Variants in COL25A1 observed in about 807,000 individuals in gnomAD.
The protein encoded by COL25A1 is collagen type XXV alpha 1 chain.
COL25A1 carries 103 observed loss-of-function variants against 128.4 expected under a neutral mutation model. The observed-to-expected ratio is 0.80, with a 90% CI of 0.68 to 0.94. The LOEUF is 0.94. Ranked by LOEUF, COL25A1 falls within the 40% of genes least tolerant of loss-of-function variation. The probability of loss-of-function intolerance (pLI) is 0.00; values close to 1 mark genes in which losing one functional copy is unlikely to be tolerated. For synonymous variants in COL25A1, 279 were observed against 277.2 expected, an observed-to-expected ratio of 1.01 and a Z score of -0.06; for missense variants, 745 against 840.0, an observed-to-expected ratio of 0.89 and a Z score of 1.40.
intron 18 of COL25A1, among the ~76,000 whole-genome samples, chr4:108,886,492 G>GTTTTTTTTTTTTTTTT (rs535762905): frequency 9.2e-6 from 1 of 109,248 alleles, no homozygotes; most frequent in African/African-American, 4.0e-5. Flanking sequence ...GTGTGTGTGT[G>GTTTTTTTTTTTTTTTT]TTTAGCTCAT....
chr4:108,898,828 C>G (rs747991569), intron 15 of COL25A1, among the ~76,000 whole-genome samples: 25 of 152,108 alleles, frequency 1.6e-4, no homozygotes, highest in Non-Finnish European at 2.6e-4. Context: ...CCTTTCTCTT[C>G]ATTATTAAAT....
intron 30 of COL25A1, among the ~76,000 whole-genome samples, chr4:108,842,144 GAGA>G (rs1734527200): frequency 6.6e-6 from 1 of 152,266 alleles, no homozygotes; most frequent in African/African-American, 2.4e-5. Context: ...CAGGGAAGAG[GAGA>G]AGTTTTCCAT....
intron 6 of COL25A1, among the ~76,000 whole-genome samples, chr4:109,006,378 ATTTTTTTTTT>A (rs56845799): frequency 7.7e-4 from 40 of 51,872 alleles, no homozygotes; most frequent in Admixed American, 1.1e-3. Flanking sequence ...CACCCAGCTA[ATTTTTTTTTT>A]TTTTTTTTTT....
intron 3 of COL25A1, among the ~76,000 whole-genome samples, chr4:109,207,951 T>C (rs149850447): frequency 5.3e-5 from 8 of 152,318 alleles, no homozygotes; most frequent in South Asian, 2.1e-4. Flanking sequence ...TCCAAAATCA[T>C]TGAAAGACCT....
At chr4:109,138,763 C>T (rs1363436283) in intron 3 of COL25A1, among the ~76,000 whole-genome samples, 2 of 152,034 alleles carry the variant, frequency 1.3e-5, no homozygotes, top group African/African-American at 4.8e-5. Flanking sequence ...GCTGAAGGTG[C>T]AGTGGCACGA....
intron 37 of COL25A1, among the ~76,000 whole-genome samples, chr4:108,816,742 G>C (rs764187793): frequency 7.9e-5 from 12 of 152,058 alleles, no homozygotes; most frequent in Non-Finnish European, 1.8e-4. Context: ...AGACTTTATG[G>C]AGTCATTGTG....
At chr4:108,839,795 C>T (rs1232611843) in intron 31 of COL25A1, among the ~76,000 whole-genome samples, 1 of 152,060 alleles carries the variant, frequency 6.6e-6, no homozygotes, top group African/African-American at 2.4e-5. Flanking sequence ...GTTGTATGGA[C>T]AAAATAAATT....
At chr4:109,194,574 G>A (rs1775870449) in intron 3 of COL25A1, among the ~76,000 whole-genome samples, 1 of 152,020 alleles carries the variant, frequency 6.6e-6, no homozygotes, top group Admixed American at 6.6e-5. Flanking sequence ...ATATAATTAG[G>A]AAATTATATA....
At chr4:109,244,613 T>TA (rs1780138490) in intron 3 of COL25A1, among the ~76,000 whole-genome samples, 1 of 152,134 alleles carries the variant, frequency 6.6e-6, no homozygotes, top group African/African-American at 2.4e-5. Context: ...CGATCACTTT[T>TA]TAAAAAAATA....
intron 24 of COL25A1, among the ~76,000 whole-genome samples, chr4:108,857,288 A>G (rs990262335): frequency 6.6e-6 from 1 of 152,080 alleles, no homozygotes; most frequent in African/African-American, 2.4e-5. Context: ...GCACACCAAA[A>G]CTTTGTGTTC....
chr4:109,189,881 A>T (rs1775451165), intron 3 of COL25A1, among the ~76,000 whole-genome samples: 1 of 152,082 alleles, frequency 6.6e-6, no homozygotes, highest in Non-Finnish European at 1.5e-5. Context: ...AAGTTTAACG[A>T]CTTTTACTAT....
intron 31 of COL25A1, among the ~76,000 whole-genome samples, chr4:108,833,305 G>T (rs1733392841): frequency 1.3e-5 from 2 of 152,180 alleles, no homozygotes; most frequent in African/African-American, 4.8e-5. Flanking sequence ...CAGTCACTAG[G>T]CTTACAACTC....
At chr4:109,005,581 C>T (rs1044219095) in intron 6 of COL25A1, among the ~76,000 whole-genome samples, 1 of 152,142 alleles carries the variant, frequency 6.6e-6, no homozygotes, top group African/African-American at 2.4e-5. Context: ...AACATATCCC[C>T]ATAGTATAAT....
intron 9 of COL25A1, 51 bp downstream of exon 9, chr4:108,941,315 G>T (rs1196585234): frequency 7.0e-7 from 1 of 1,419,298 alleles, no homozygotes; most frequent in South Asian, 1.1e-5. Flanking sequence ...GGTACACAGA[G>T]CAATAACTGA....
At chr4:108,873,112 C>T (rs1322929255) in intron 19 of COL25A1, among the ~76,000 whole-genome samples, 2 of 152,020 alleles carry the variant, frequency 1.3e-5, no homozygotes, top group Non-Finnish European at 2.9e-5. Flanking sequence ...AGGCTGGTCT[C>T]GAACTCCTGG....
rs1734940808 is a variant in COL25A1, at chr4:108,845,182, G to C, written c.1578+7C>G. ...GAACAATGGAAGTTCAGCCACCATG[G>C]ACTTACAGAAGGACCCTGTGGACCC... On this transcript the variant is annotated splice_region_variant and intron_variant, in intron 29 of 37. Coordinates refer to ENST00000399132, the MANE Select transcript of COL25A1 (RefSeq NM_198721.4). 1 of 1,611,654 alleles carries C rather than the reference G, an allele frequency of 6.2e-7. No individual in the cohort carries two copies. Among genetic ancestry groups the C allele is most frequent in the Admixed American group, 1.7e-5 (1 of 59,998 alleles).
chr4:109,167,730 A>G (rs1479116530), intron 3 of COL25A1, among the ~76,000 whole-genome samples: 1 of 152,138 alleles, frequency 6.6e-6, no homozygotes, highest in Non-Finnish European at 1.5e-5. Flanking sequence ...GCCCACTGAC[A>G]AGATGAATGA....
chr4:108,927,068 G>A (rs1746148465), intron 11 of COL25A1, among the ~76,000 whole-genome samples: 1 of 152,040 alleles, frequency 6.6e-6, no homozygotes, highest in Non-Finnish European at 1.5e-5. Flanking sequence ...CATGGATCCT[G>A]TCTTCAGTCA....
At chr4:108,871,137 A>G (rs976917021) in intron 19 of COL25A1, among the ~76,000 whole-genome samples, 7 of 152,178 alleles carry the variant, frequency 4.6e-5, no homozygotes, top group African/African-American at 1.7e-4. Context: ...TTTTTAAAAA[A>G]TAGAAGATAT....
Sources: allele counts gnomAD v4.1 joint callset (sites outside exome capture counted in the v4.1 genomes callset), GRCh38; gene constraint gnomAD v4.1.1; transcripts MANE v1.5; gene names NCBI Gene and HGNC (gene_info 2026-07-23, HGNC 2026-07-21).